REV3L: variants seen among roughly 807,000 people sequenced by gnomAD.
REV3L encodes the protein DNA polymerase zeta catalytic subunit.
REV3L carries 69 observed loss-of-function variants against 299.4 expected under a neutral mutation model. The observed-to-expected ratio is 0.23, with a 90% CI of 0.19 to 0.28. The LOEUF (loss-of-function observed/expected upper bound fraction) is 0.28, where lower values mean the gene tolerates loss of function less well. Among genes scored for constraint, REV3L ranks in the 10% least tolerant of loss-of-function variants. The pLI is 1.00. For synonymous variants in REV3L, 1,238 were observed against 1,271.4 expected, an observed-to-expected ratio of 0.97 and a Z score of 0.56; for missense variants, 3,128 against 3,693.8, an observed-to-expected ratio of 0.85 and a Z score of 3.97.
rs1780249676 is a variant in REV3L at position 111,375,851 on chromosome 6, C to T, written c.2504G>A (p.Arg835Lys). ...AGTCTCCTGATGACCTGCAAGTTTC[C>T]TTTTATTCAATTTTAACCGGGATGG... ...NKPSRLKLNK[R>K]KLAGHQETST... The change falls in exon 13 of 32, where the codon AGG becomes AAG. Residue 835 changes from arginine to lysine, a missense_variant. By Grantham distance (26) the Arg-to-Lys change is conservative. Coordinates refer to ENST00000368802, the MANE Select transcript of REV3L (RefSeq NM_001372078.1). 8.7e-6 allele frequency: 14 copies of T among 1,613,574 alleles called. No homozygotes were observed. Among genetic ancestry groups the T allele is most frequent in the Non-Finnish European group, 1.0e-5 (12 of 1,179,846 alleles).
At chr6:111,347,209 C>T (rs1777117847) in intron 20 of REV3L, among the ~76,000 whole-genome samples, 1 of 151,926 alleles carries the variant, frequency 6.6e-6, no homozygotes, top group Non-Finnish European at 1.5e-5. Flanking sequence ...GCGGAGGTTG[C>T]GGTGAGCCGA....
Position 111,374,218 on chromosome 6 carries a change from G to C in REV3L, c.4137C>G (p.Ser1379=), listed in dbSNP as rs754018384. ...AQNTQISSGM[S]SKIEDNANNI... is the part of the protein sequence containing the mutation. ...TATTTGCATTATCTTCTATCTTTGA[G>C]GACATACCAGAAGATATCTGTGTAT... is the stretch of plus-strand genomic sequence containing the variant. The change falls in exon 13 of 32, where the codon TCC becomes TCG. Residue 1379 remains serine, a synonymous_variant. Coordinates refer to ENST00000368802, the MANE Select transcript of REV3L (RefSeq NM_001372078.1). The C allele has an allele frequency of 2.5e-6, 4 of 1,613,712 alleles. No homozygotes were observed. The highest frequency in any genetic ancestry group is 2.5e-6 in the Non-Finnish European group (3 of 1,179,746).
At chr6:111,461,411 A>T (rs1031119184) in intron 1 of REV3L, among the ~76,000 whole-genome samples, 1 of 152,128 alleles carries the variant, frequency 6.6e-6, no homozygotes, top group Non-Finnish European at 1.5e-5. Flanking sequence ...AAGCTAAGTT[A>T]TTGTAAGAGA....
chr6:111,473,534 CTTTTG>C (rs1792515700), intron 1 of REV3L, among the ~76,000 whole-genome samples: 1 of 151,756 alleles, frequency 6.6e-6, no homozygotes, highest in Admixed American at 6.6e-5. Context: ...TTGCTATAAT[CTTTTG>C]TTTTCTTAAA....
At chr6:111,445,548 T>C (rs914491398) in intron 1 of REV3L, among the ~76,000 whole-genome samples, 7 of 152,240 alleles carry the variant, frequency 4.6e-5, no homozygotes, top group Non-Finnish European at 1.0e-4. Flanking sequence ...CAATTCACCA[T>C]ACGTTTTTAC....
intron 9 of REV3L, among the ~76,000 whole-genome samples, chr6:111,382,114 TCA>T (rs919208370): frequency 4.6e-5 from 7 of 152,172 alleles, no homozygotes; most frequent in African/African-American, 1.7e-4. Flanking sequence ...TCATTATATA[TCA>T]CATTCATTAC....
chr6:111,325,140 C>T (rs146259711), intron 25 of REV3L, among the ~76,000 whole-genome samples: 213 of 152,208 alleles, frequency 1.4e-3, no homozygotes, highest in African/African-American at 4.1e-3. Flanking sequence ...GGATTACAGG[C>T]GTGAGCCACT....
At chr6:111,327,329 A>G (rs1774937528) in intron 25 of REV3L, among the ~76,000 whole-genome samples, 1 of 152,132 alleles carries the variant, frequency 6.6e-6, no homozygotes, top group Admixed American at 6.5e-5. Flanking sequence ...CCAAGGCAGG[A>G]GAATCACTTG....
At chr6:111,472,011 A>T in intron 1 of REV3L, 1 of 1,175,894 alleles carries the variant, frequency 8.5e-7, no homozygotes, top group Non-Finnish European at 1.1e-6. Context: ...TAAATTACTT[A>T]CTTGAAATTG....
At chr6:111,329,382 C>A in intron 25 of REV3L, 150 bp downstream of exon 25, 1 of 599,708 alleles carries the variant, frequency 1.7e-6, no homozygotes, top group Non-Finnish European at 2.9e-6. Context: ...GATGAGGTCT[C>A]ACTATGTTGT....
At chr6:111,461,308 A>C (rs1362741413) in intron 1 of REV3L, among the ~76,000 whole-genome samples, 3 of 152,104 alleles carry the variant, frequency 2.0e-5, no homozygotes, top group African/African-American at 7.2e-5. Context: ...TTTTTAACAA[A>C]AGTTTTAAAA....
At chr6:111,394,322 A>G (rs1452569664) in intron 4 of REV3L, among the ~76,000 whole-genome samples, 3 of 152,134 alleles carry the variant, frequency 2.0e-5, no homozygotes, top group Admixed American at 6.5e-5. Context: ...TTTCCGTAAC[A>G]GCCATTCTAA....
intron 1 of REV3L, among the ~76,000 whole-genome samples, chr6:111,456,629 A>T (rs184972429): frequency 6.6e-6 from 1 of 152,302 alleles, no homozygotes; most frequent in East Asian, 1.9e-4. Context: ...ATCACATTTA[A>T]AAATGCATAT....
At chr6:111,482,315 G>A (rs1793819731) in intron 1 of REV3L, among the ~76,000 whole-genome samples, 1 of 152,214 alleles carries the variant, frequency 6.6e-6, no homozygotes, top group African/African-American at 2.4e-5. Context: ...CCCGTTTCCA[G>A]AAAGCGGCAC....
chr6:111,383,755 A>C (rs913577810), intron 9 of REV3L, among the ~76,000 whole-genome samples: 3 of 152,196 alleles, frequency 2.0e-5, no homozygotes, highest in Non-Finnish European at 2.9e-5. Flanking sequence ...AACAGAAAAA[A>C]AAAATCCTAA....
chr6:111,361,337 T>C (rs1359554663), intron 16 of REV3L: 1 of 150,568 alleles, frequency 6.6e-6, no homozygotes, highest in African/African-American at 2.4e-5. Flanking sequence ...TGAGCTGAGA[T>C]TGTGCCATTG....
chr6:111,395,889 T>C (rs1427979987), intron 4 of REV3L, among the ~76,000 whole-genome samples: 2 of 152,226 alleles, frequency 1.3e-5, no homozygotes, highest in Non-Finnish European at 2.9e-5. Flanking sequence ...CAAGAGTTTT[T>C]ACCATGAAGG....
chr6:111,393,299 G>A (rs982235869), intron 4 of REV3L, among the ~76,000 whole-genome samples: 1 of 152,142 alleles, frequency 6.6e-6, no homozygotes, highest in Admixed American at 6.5e-5. Context: ...TTACAGGTGT[G>A]AGCCACCATG....
At chr6:111,399,092 T>C (rs1394002370) in intron 4 of REV3L, among the ~76,000 whole-genome samples, 3 of 152,206 alleles carry the variant, frequency 2.0e-5, no homozygotes, top group African/African-American at 7.2e-5. Context: ...GGTTTCTGTA[T>C]ATTTGCTAAT....
Sources: allele counts gnomAD v4.1 joint callset (sites outside exome capture counted in the v4.1 genomes callset), GRCh38; gene constraint gnomAD v4.1.1; transcripts MANE v1.5; gene names NCBI Gene and HGNC (gene_info 2026-07-23, HGNC 2026-07-21).